Variants in ANKRD30BL observed in about 807,000 individuals in gnomAD.
ANKRD30BL encodes the protein ankyrin repeat domain 30B like.
A neutral mutation model predicts 18.4 loss-of-function variants in ANKRD30BL; 20 were observed. The ratio of observed to expected loss-of-function variants is 1.09; its 90% CI spans 0.77 to 1.58. ANKRD30BL has a LOEUF of 1.58. ANKRD30BL is among the 40% of genes most tolerant of loss of function. The pLI, the probability that ANKRD30BL is intolerant of heterozygous loss-of-function variation, is 0.00. For missense variants in ANKRD30BL, 224 were observed against 268.6 expected, an observed-to-expected ratio of 0.83 and a Z score of 1.16; for synonymous variants, 72 against 100.9, an observed-to-expected ratio of 0.71 and a Z score of 1.72.
intron 1 of ANKRD30BL, among the ~76,000 whole-genome samples, chr2:132,254,236 G>T (rs1358709014): frequency 1.3e-5 from 2 of 152,002 alleles, no homozygotes; most frequent in African/African-American, 2.4e-5. Context: ...GGCAGGTGGG[G>T]CCATGCAACG....
intron 1 of ANKRD30BL, among the ~76,000 whole-genome samples, chr2:132,233,278 T>C (rs1275177515): frequency 6.6e-6 from 1 of 150,886 alleles, no homozygotes; most frequent in African/African-American, 2.4e-5. Context: ...CTGCATCAAC[T>C]AATGAGCAAA....
At chr2:132,246,974 C>T (rs71209222) in intron 1 of ANKRD30BL, among the ~76,000 whole-genome samples, 23 of 77,158 alleles carry the variant, frequency 3.0e-4, no homozygotes, top group South Asian at 3.9e-4. Context: ...GAAACGGGAA[C>T]ATCTTCACAT....
At chr2:132,219,630 G>T (rs1010016395) in intron 1 of ANKRD30BL, among the ~76,000 whole-genome samples, 4 of 152,064 alleles carry the variant, frequency 2.6e-5, no homozygotes, top group African/African-American at 9.7e-5. Context: ...AGAGCTTTGA[G>T]GCCTAAGGTG....
At chr2:132,184,098 A>C (rs1305699787) in intron 1 of ANKRD30BL, among the ~76,000 whole-genome samples, 2 of 151,788 alleles carry the variant, frequency 1.3e-5, no homozygotes, top group African/African-American at 4.8e-5. Context: ...TTTTGAGATG[A>C]AGTCTCACTC....
chr2:132,199,288 A>G (rs1169789497), intron 1 of ANKRD30BL, among the ~76,000 whole-genome samples: 1 of 152,006 alleles, frequency 6.6e-6, no homozygotes, highest in Non-Finnish European at 1.5e-5. Flanking sequence ...TGAACTTGGG[A>G]GGCATAGGTT....
At chr2:132,240,749 T>G (rs10201095) in intron 1 of ANKRD30BL, among the ~76,000 whole-genome samples, 16,612 of 150,858 alleles carry the variant, frequency 0.11, 3,007 homozygotes, top group African/African-American at 0.38. Flanking sequence ...ACCTTTCAGT[T>G]AGCAGATTTG....
chr2:132,253,178 G>T, intron 1 of ANKRD30BL: 1 of 222,178 alleles, frequency 4.5e-6, no homozygotes, highest in South Asian at 5.0e-5. Flanking sequence ...GCATAGCCCT[G>T]GGAGGAACCC....
At chr2:132,182,533 A>G (rs1384905260) in intron 1 of ANKRD30BL, among the ~76,000 whole-genome samples, 1 of 152,124 alleles carries the variant, frequency 6.6e-6, no homozygotes, top group Non-Finnish European at 1.5e-5. Context: ...CACTTGCCTG[A>G]CCCATAAATA....
chr2:132,233,264 G>T (rs1368374625), intron 1 of ANKRD30BL, among the ~76,000 whole-genome samples: 8 of 151,656 alleles, frequency 5.3e-5, no homozygotes, highest in African/African-American at 1.9e-4. Flanking sequence ...AGACTAGGAA[G>T]AAACTGCATC....
At chr2:132,190,349 C>T (rs879988686) in intron 1 of ANKRD30BL, among the ~76,000 whole-genome samples, 4 of 151,616 alleles carry the variant, frequency 2.6e-5, no homozygotes, top group Admixed American at 6.6e-5. Flanking sequence ...ACTTCTGCTT[C>T]GAGTACATGT....
intron 1 of ANKRD30BL, among the ~76,000 whole-genome samples, chr2:132,232,504 C>T (rs1309807033): frequency 6.6e-6 from 1 of 152,124 alleles, no homozygotes; most frequent in Non-Finnish European, 1.5e-5. Flanking sequence ...GCTGATGGAG[C>T]TGAAAACCAA....
intron 1 of ANKRD30BL, among the ~76,000 whole-genome samples, chr2:132,215,173 G>A (rs976456516): frequency 6.6e-6 from 1 of 151,990 alleles, no homozygotes; most frequent in African/African-American, 2.4e-5. Context: ...TGGTGGAAAA[G>A]GAAACATCTT....
At chr2:132,229,499 T>C (rs1679945356) in intron 1 of ANKRD30BL, among the ~76,000 whole-genome samples, 1 of 152,048 alleles carries the variant, frequency 6.6e-6, no homozygotes, top group Non-Finnish European at 1.5e-5. Context: ...TTTGTGATGT[T>C]TGCATTCAAC....
At position 132,188,243 on chromosome 2, in the gene ANKRD30BL, C is replaced by CA. The variant is rs1456752648; in HGVS notation, n.442-31098dup. Among the ~76,000 whole-genome samples, 6 of 151,706 alleles carry CA rather than the reference C, an allele frequency of 4.0e-5. 1 individual carries two copies. The South Asian group carries it at 6.2e-4, about 16-fold the overall frequency. ...TGCATTTTGCACTCTATACCATTGC[C>CA]AAAAAAAGGTTTGATTATGCTACTA... On this transcript the variant is annotated intron_variant and non_coding_transcript_variant, in intron 1 of 4. Coordinates refer to the ANKRD30BL transcript ENST00000470729.
At chr2:132,159,377 TATAA>T (rs1241840776) in intron 1 of ANKRD30BL, among the ~76,000 whole-genome samples, 1 of 152,154 alleles carries the variant, frequency 6.6e-6, no homozygotes, top group Non-Finnish European at 1.5e-5. Context: ...TAAACAGCAG[TATAA>T]ATATCACTGC....
chr2:132,217,114 G>T (rs369982646), intron 1 of ANKRD30BL, among the ~76,000 whole-genome samples: 2 of 149,314 alleles, frequency 1.3e-5, no homozygotes, highest in African/African-American at 4.9e-5. Context: ...CTAGACAGAA[G>T]CATTCTCAGA....
chr2:132,237,425 T>G (rs74508268), intron 1 of ANKRD30BL, among the ~76,000 whole-genome samples: 1 of 151,972 alleles, frequency 6.6e-6, no homozygotes, highest in Non-Finnish European at 1.5e-5. Flanking sequence ...GCATTGAGGA[T>G]TTCGTTGGAA....
At chr2:132,166,901 C>CT (rs1322673798), upstream of ANKRD30BL, among the ~76,000 whole-genome samples, 1 of 151,854 alleles carries the variant, frequency 6.6e-6, no homozygotes, top group African/African-American at 2.4e-5. Flanking sequence ...GATTTTATCT[C>CT]TTTTTTCATA....
intron 1 of ANKRD30BL, among the ~76,000 whole-genome samples, chr2:132,247,236 G>A (rs879154784): frequency 1.1e-4 from 17 of 151,688 alleles, no homozygotes; most frequent in South Asian, 4.2e-4. Flanking sequence ...CCCTTTCATG[G>A]AGCAGTTTTG....
Sources: allele counts gnomAD v4.1 joint callset (sites outside exome capture counted in the v4.1 genomes callset), GRCh38; gene constraint gnomAD v4.1.1; transcripts MANE v1.5; gene names NCBI Gene and HGNC (gene_info 2026-07-23, HGNC 2026-07-21).